THSD7B: variants seen among roughly 807,000 people sequenced by gnomAD.
THSD7B encodes thrombospondin type-1 domain-containing protein 7B.
In THSD7B, 138 loss-of-function variants were observed where a neutral mutation model predicts 213.6. That is an observed-to-expected ratio of 0.65 (90% CI 0.56 to 0.74). THSD7B has a LOEUF of 0.74. Among genes scored for constraint, THSD7B ranks in the 30% least tolerant of loss-of-function variants. The pLI is 0.00. For missense variants in THSD7B, 1,931 were observed against 1,991.5 expected, an observed-to-expected ratio of 0.97 and a Z score of 0.58; for synonymous variants, 742 against 687.0, an observed-to-expected ratio of 1.08 and a Z score of -1.25.
At chr2:137,354,347 C>G (rs1167825296) in intron 12 of THSD7B, among the ~76,000 whole-genome samples, 1 of 151,794 alleles carries the variant, frequency 6.6e-6, no homozygotes, top group Non-Finnish European at 1.5e-5. Context: ...AATGTTTTAC[C>G]TTTTAAAACT....
intron 20 of THSD7B, among the ~76,000 whole-genome samples, chr2:137,623,949 G>A (rs1431732730): frequency 6.6e-6 from 1 of 152,112 alleles, no homozygotes; most frequent in Non-Finnish European, 1.5e-5. Context: ...AGCTACCAAC[G>A]ACTTTCTTCA....
intron 12 of THSD7B, among the ~76,000 whole-genome samples, chr2:137,276,351 A>T (rs1682871583): frequency 6.6e-6 from 1 of 152,070 alleles, no homozygotes; most frequent in Non-Finnish European, 1.5e-5. Flanking sequence ...TGTCAAGATG[A>T]GATTCAACTG....
At chr2:136,806,240 G>T (rs1300345571) in intron 1 of THSD7B, among the ~76,000 whole-genome samples, 1 of 152,104 alleles carries the variant, frequency 6.6e-6, no homozygotes, top group African/African-American at 2.4e-5. Flanking sequence ...TTATATCCTG[G>T]GATTCAGAAA....
chr2:137,447,288 T>C (rs1291573178), intron 14 of THSD7B, among the ~76,000 whole-genome samples: 1 of 151,926 alleles, frequency 6.6e-6, no homozygotes, highest in East Asian at 1.9e-4. Flanking sequence ...AAAATCTCAA[T>C]TAAAAGGGCA....
At chr2:137,606,894 G>A (rs16855791) in intron 17 of THSD7B, among the ~76,000 whole-genome samples, 33,758 of 151,942 alleles carry the variant, frequency 0.22, 4,440 homozygotes, top group African/African-American at 0.36. Context: ...CATTTCAAAT[G>A]GCAACTGTCA....
chr2:136,815,359 A>G (rs137951854), intron 1 of THSD7B, among the ~76,000 whole-genome samples: 1 of 152,276 alleles, frequency 6.6e-6, no homozygotes, highest in East Asian at 1.9e-4. Context: ...CCAGCCTTCC[A>G]TGGTTCTTGG....
chr2:137,043,344 ACTCT>A (rs921655130), intron 2 of THSD7B, among the ~76,000 whole-genome samples: 17 of 151,604 alleles, frequency 1.1e-4, no homozygotes, highest in Admixed American at 3.9e-4. Context: ...CTGGCTGGAG[ACTCT>A]CTCTAGAGCT....
At chr2:136,912,321 CAAAAAAAAAA>C (rs1159184476) in intron 2 of THSD7B, among the ~76,000 whole-genome samples, 11 of 55,828 alleles carry the variant, frequency 2.0e-4, no homozygotes, top group South Asian at 7.5e-4. Flanking sequence ...GACTCCATCT[CAAAAAAAAAA>C]AAAAAAAAAA....
At chr2:136,899,367 A>G (rs1273377855) in intron 2 of THSD7B, among the ~76,000 whole-genome samples, 1 of 152,140 alleles carries the variant, frequency 6.6e-6, no homozygotes, top group Non-Finnish European at 1.5e-5. Flanking sequence ...TGCATGATAA[A>G]TATTTATTGC....
At chr2:137,587,950 C>T (rs559423311) in intron 17 of THSD7B, among the ~76,000 whole-genome samples, 7 of 152,350 alleles carry the variant, frequency 4.6e-5, no homozygotes, top group African/African-American at 1.4e-4. Flanking sequence ...TCTACAAAGG[C>T]AGCAGGCCTC....
intron 7 of THSD7B, among the ~76,000 whole-genome samples, chr2:137,180,659 T>C (rs1028788724): frequency 6.6e-6 from 1 of 152,158 alleles, no homozygotes; most frequent in Non-Finnish European, 1.5e-5. Context: ...TAGGCAGAGA[T>C]GTTGATAGTT....
At chr2:136,894,855 A>T (rs2105005599) in intron 2 of THSD7B, among the ~76,000 whole-genome samples, 1 of 152,258 alleles carries the variant, frequency 6.6e-6, no homozygotes, top group Admixed American at 6.5e-5. Context: ...TTCCTAATAT[A>T]CTTTAGCTGT....
chr2:137,153,788 G>T (rs1360486083), intron 5 of THSD7B, among the ~76,000 whole-genome samples: 1 of 152,140 alleles, frequency 6.6e-6, no homozygotes, highest in African/African-American at 2.4e-5. Context: ...CCAAGTCAGT[G>T]TACTCCCTAA....
chr2:136,839,554 G>A (rs1292579888), intron 1 of THSD7B, among the ~76,000 whole-genome samples: 1 of 152,054 alleles, frequency 6.6e-6, no homozygotes, highest in Non-Finnish European at 1.5e-5. Context: ...TAGTCTTTGA[G>A]ACTCAGAGTC....
chr2:137,022,389 A>G (rs58478584), intron 2 of THSD7B, among the ~76,000 whole-genome samples: 2,643 of 152,266 alleles, frequency 0.017, 72 homozygotes, highest in African/African-American at 0.06. Flanking sequence ...TGATAGACGA[A>G]TAATGTGCAT....
intron 10 of THSD7B, 104 bp downstream of exon 10, chr2:137,242,676 C>G: frequency 1.4e-6 from 1 of 721,624 alleles, no homozygotes. Flanking sequence ...TTTTTTTTTT[C>G]ATTTGCCTAT....
chr2:136,974,173 G>A (rs887205480), intron 2 of THSD7B, among the ~76,000 whole-genome samples: 81 of 152,032 alleles, frequency 5.3e-4, no homozygotes, highest in African/African-American at 1.9e-3. Flanking sequence ...TATATAGTTT[G>A]TATCAAAATA....
At chr2:137,469,832 G>A (rs1688059257) in intron 15 of THSD7B, among the ~76,000 whole-genome samples, 1 of 152,178 alleles carries the variant, frequency 6.6e-6, no homozygotes, top group Admixed American at 6.5e-5. Flanking sequence ...ATGCTTCAAT[G>A]CTGAAACATT....
At chr2:137,080,373 T>G (rs1489797144) in intron 3 of THSD7B, among the ~76,000 whole-genome samples, 1 of 122,450 alleles carries the variant, frequency 8.2e-6, no homozygotes, top group East Asian at 2.1e-4. Context: ...AGCTGTTTTT[T>G]TTTTTTTTTT....
Sources: gnomAD v4.1 joint callset for allele counts (sites outside exome capture counted in the v4.1 genomes callset) on GRCh38, gnomAD v4.1.1 for gene constraint, MANE v1.5 for transcripts, NCBI Gene and HGNC (gene_info 2026-07-23, HGNC 2026-07-21) for gene names.